Variants in SGCD observed in about 807,000 individuals in gnomAD.
SGCD encodes sarcoglycan delta, also known as delta-sarcoglycan.
SGCD carries 18 observed loss-of-function variants against 36.6 expected under a neutral mutation model. That is an observed-to-expected ratio of 0.49 (90% confidence interval 0.34 to 0.73). SGCD has a LOEUF of 0.73. Among genes scored for constraint, SGCD ranks in the 30% least tolerant of loss-of-function variants. The pLI is 0.01. For synonymous variants in SGCD, 133 were observed against 130.6 expected, an observed-to-expected ratio of 1.02 and a Z score of -0.12; for missense variants, 387 against 346.7, an observed-to-expected ratio of 1.12 and a Z score of -0.92.
At chr5:156,403,945 T>A (rs942562470) in intron 3 of SGCD, among the ~76,000 whole-genome samples, 1 of 152,060 alleles carries the variant, frequency 6.6e-6, no homozygotes, top group Non-Finnish European at 1.5e-5. Flanking sequence ...GCAATTCTCT[T>A]GCCTCAGCTC....
In SGCD at chr5:156,355,472, A is replaced by G. The variant is rs1208593281; in HGVS notation, c.192+10795A>G. 5.3e-5 allele frequency among the ~76,000 whole-genome samples: 8 copies of G among 152,248 alleles called. No individual in the cohort carries two copies. The East Asian group carries it at 7.7e-4, about 15-fold the overall frequency. On this transcript the variant is annotated intron_variant, in intron 3 of 8. Transcript: ENST00000337851. ...TATTCTTAATTGGAAAAGTTCTGAG[A>G]CTGTGCTAGATTTTTCATCTTGCCT... is the stretch of plus-strand genomic sequence containing the variant.
In SGCD at chr5:156,763,121, A is replaced by G; in HGVS notation, c.*3731A>G. ...ATCCTCCAAGACCCTTAATTGATAGACCATACCAGGTTCTGCAGGTCAGCA... is the reference window on the plus strand; with the variant it reads ...ATCCTCCAAGACCCTTAATTGATAGGCCATACCAGGTTCTGCAGGTCAGCA... On this transcript the variant is annotated 3_prime_UTR_variant, in exon 9 of 9. Coordinates refer to ENST00000337851, the MANE Select transcript of SGCD (RefSeq NM_000337.6). 6.6e-6 allele frequency: 1 copy of G among 152,376 alleles called. No homozygotes were observed. Among genetic ancestry groups the G allele is most frequent in the East Asian group, 1.9e-4 (1 of 5,184 alleles). The allele number at this position is 152,376 out of a possible 1,614,324, so 9.4% of individuals were successfully genotyped here.
chr5:155,843,075 C>T, the SGCD span, among the ~76,000 whole-genome samples: 4 of 152,150 alleles, frequency 2.6e-5, no homozygotes, highest in Admixed American at 1.3e-4. Flanking sequence ...CACCTTCCAC[C>T]CTCAAGAGCG....
chr5:155,845,734 A>G, the SGCD span, among the ~76,000 whole-genome samples: 4 of 152,280 alleles, frequency 2.6e-5, no homozygotes, highest in Admixed American at 6.5e-5. Flanking sequence ...GCCTTTTTAT[A>G]TTTCACACAA....
chr5:156,201,996 T>C (rs1424327273), intron 3 of SGCD, among the ~76,000 whole-genome samples: 2 of 152,166 alleles, frequency 1.3e-5, no homozygotes, highest in Non-Finnish European at 2.9e-5. Context: ...TCTGGTCTGC[T>C]CAGCAAAAGA....
intron 1 of SGCD, among the ~76,000 whole-genome samples, chr5:156,103,358 GACATTAC>G (rs771520264): frequency 1.2e-3 from 57 of 47,140 alleles, no homozygotes; most frequent in Non-Finnish European, 2.0e-3. Flanking sequence ...GACATTACAA[GACATTAC>G]AAAGAATTAT....
the SGCD span, among the ~76,000 whole-genome samples, chr5:155,813,118 A>G: frequency 6.6e-6 from 1 of 151,942 alleles, no homozygotes; most frequent in African/African-American, 2.4e-5. Flanking sequence ...GTAAGCAAAA[A>G]AAAGGGCTTG....
chr5:155,969,344 T>C (rs1303786874), intron 1 of SGCD, among the ~76,000 whole-genome samples: 1 of 152,156 alleles, frequency 6.6e-6, no homozygotes, highest in East Asian at 1.9e-4. Flanking sequence ...AATTAAAGCA[T>C]AATGGTGATT....
chr5:156,595,977 C>T (rs527911752), intron 6 of SGCD, among the ~76,000 whole-genome samples: 39 of 152,172 alleles, frequency 2.6e-4, no homozygotes, highest in African/African-American at 8.4e-4. Flanking sequence ...TCCAGCTGAC[C>T]GGGTTTTTAA....
intron 3 of SGCD, among the ~76,000 whole-genome samples, chr5:156,314,202 AGTTGAAC>A (rs1158218907): frequency 6.6e-6 from 1 of 152,038 alleles, no homozygotes; most frequent in Non-Finnish European, 1.5e-5. Context: ...GGTTTATTCC[AGTTGAAC>A]GTTAAGGATG....
intron 3 of SGCD, among the ~76,000 whole-genome samples, chr5:156,505,864 T>C (rs1756672726): frequency 6.6e-6 from 1 of 151,964 alleles, no homozygotes; most frequent in African/African-American, 2.4e-5. Context: ...TTTGACTTCT[T>C]TGAATATTTG....
chr5:155,966,860 A>T (rs967178936), intron 1 of SGCD, among the ~76,000 whole-genome samples: 2 of 152,038 alleles, frequency 1.3e-5, no homozygotes, highest in Admixed American at 6.6e-5. Flanking sequence ...CACTGATCAG[A>T]TTTTAAGCAA....
At chr5:155,951,158 T>A (rs1221480134) in intron 1 of SGCD, among the ~76,000 whole-genome samples, 1 of 152,154 alleles carries the variant, frequency 6.6e-6, no homozygotes, top group Non-Finnish European at 1.5e-5. Flanking sequence ...TGTCAAATGC[T>A]GCACCATAAA....
At chr5:155,996,863 G>GGATGGATAGATAGATAGATA (rs367879360) in intron 1 of SGCD, among the ~76,000 whole-genome samples, 134 of 133,464 alleles carry the variant, frequency 1.0e-3, no homozygotes, top group African/African-American at 3.4e-3. Flanking sequence ...CTGGATGGAT[G>GGATGGATAGATAGATAGATA]GATAGATAGA....
At position 156,762,312 on chromosome 5, in the gene SGCD, T is replaced by G. The variant is rs189592313; in HGVS notation, c.*2922T>G. On this transcript the variant is annotated 3_prime_UTR_variant, in exon 9 of 9. Transcript: ENST00000337851. Reference sequence around the variant, plus strand: ...ATATTGTTCAGAAGATTTTTACAAATTAAAAACTGATTTCCAAATATGTTC... The same window carrying G: ...ATATTGTTCAGAAGATTTTTACAAAGTAAAAACTGATTTCCAAATATGTTC... 158 of 152,772 alleles carry G rather than the reference T, an allele frequency of 1.0e-3. 1 individual carries two copies. Among genetic ancestry groups the G allele is most frequent in the African/African-American group, 3.0e-3 (123 of 41,584 alleles). The allele number at this position is 152,772 out of a possible 1,614,324, so 9.5% of individuals were successfully genotyped here. A position where few individuals can be genotyped will look rare whatever the true frequency, so the allele number is the denominator to read the frequency against.
At chr5:156,566,538 A>G (rs761082812) in intron 4 of SGCD, among the ~76,000 whole-genome samples, 12 of 152,090 alleles carry the variant, frequency 7.9e-5, no homozygotes, top group Non-Finnish European at 1.8e-4. Flanking sequence ...AAAGTTAGTC[A>G]TCTTTGTACC....
At chr5:155,747,424 A>G in the SGCD span, among the ~76,000 whole-genome samples, 1 of 152,210 alleles carries the variant, frequency 6.6e-6, no homozygotes, top group East Asian at 1.9e-4. Flanking sequence ...TTGTGTACTC[A>G]TACAAAGCTG....
intron 6 of SGCD, among the ~76,000 whole-genome samples, chr5:156,616,215 C>T (rs547368253): frequency 1.5e-4 from 23 of 152,260 alleles, no homozygotes; most frequent in African/African-American, 4.6e-4. Context: ...ATAAATACAA[C>T]GATGGCCTGA....
At chr5:156,429,788 A>C (rs1474470336) in intron 3 of SGCD, among the ~76,000 whole-genome samples, 1 of 152,066 alleles carries the variant, frequency 6.6e-6, no homozygotes, top group Non-Finnish European at 1.5e-5. Context: ...GCCTAGTTTC[A>C]CTGGATACAC....
Sources: allele counts gnomAD v4.1 joint callset (sites outside exome capture counted in the v4.1 genomes callset), GRCh38; gene constraint gnomAD v4.1.1; transcripts MANE v1.5; gene names NCBI Gene and HGNC (gene_info 2026-07-23, HGNC 2026-07-21).